The following DACH2 variants were observed in gnomAD, a reference collection of about 807,000 sequenced individuals.
The protein encoded by DACH2 is dachshund family transcription factor 2.
Under a neutral mutation model 35.8 loss-of-function variants are expected in DACH2, and 17 were observed. The ratio of observed to expected loss-of-function variants is 0.48; its 90% confidence interval spans 0.33 to 0.71. DACH2 has a LOEUF of 0.71. DACH2 is among the 30% of genes least tolerant of loss of function. DACH2 has a pLI of 0.02. For synonymous variants in DACH2, 195 were observed against 177.3 expected, an observed-to-expected ratio of 1.10 and a Z score of -0.79; for missense variants, 469 against 472.7, an observed-to-expected ratio of 0.99 and a Z score of 0.07.
chrX:86,546,404 C>CTTCTTCTTCTTCCTTCTT (rs774988785), intron 3 of DACH2, among the ~76,000 whole-genome samples: 152 of 21,637 alleles, frequency 7.0e-3, no homozygotes, highest in African/African-American at 0.017. Flanking sequence ...TCTTCTTCTT[C>CTTCTTCTTCTTCCTTCTT]CTTCTTCTTC....
At chrX:86,217,202 A>G (rs1163885122) in intron 1 of DACH2, among the ~76,000 whole-genome samples, 1 of 111,709 alleles carries the variant, frequency 9.0e-6, no homozygotes, top group African/African-American at 3.3e-5. Flanking sequence ...AATGCATAAT[A>G]AAAGAAGCAT....
chrX:86,456,210 CT>C (rs1301019808), intron 2 of DACH2, among the ~76,000 whole-genome samples: 1 of 112,271 alleles, frequency 8.9e-6, no homozygotes, highest in East Asian at 2.8e-4. Context: ...GTTGAAGATG[CT>C]GAATTCACTT....
chrX:86,332,520 A>G (rs981488463), intron 1 of DACH2, among the ~76,000 whole-genome samples: 16 of 111,927 alleles, frequency 1.4e-4, no homozygotes, highest in African/African-American at 4.2e-4. Context: ...ATTAATGATT[A>G]TAGTATTTCT....
chrX:86,534,825 T>A (rs2038774188), intron 3 of DACH2, among the ~76,000 whole-genome samples: 1 of 111,925 alleles, frequency 8.9e-6, no homozygotes. Flanking sequence ...TGCTGTTCAC[T>A]TCAATTTATG....
chrX:86,315,239 G>T (rs1340776519), intron 1 of DACH2, among the ~76,000 whole-genome samples: 1 of 111,918 alleles, frequency 8.9e-6, no homozygotes, highest in East Asian at 2.8e-4. Context: ...AAACTTGGAC[G>T]ACAGACTGCA....
chrX:86,240,437 G>GATTATTATTATT (rs3034441), intron 1 of DACH2, among the ~76,000 whole-genome samples: 15 of 95,124 alleles, frequency 1.6e-4, no homozygotes, highest in South Asian at 5.5e-4. Context: ...GGTTGTATCA[G>GATTATTATTATT]ATTATTATTA....
chrX:86,823,747 A>C (rs1481050375), intron 11 of DACH2, among the ~76,000 whole-genome samples: 1 of 111,641 alleles, frequency 9.0e-6, no homozygotes, highest in East Asian at 2.8e-4. Flanking sequence ...ACCGGGGGTG[A>C]CATCACATAT....
chrX:86,768,421 G>T (rs2041956270), intron 7 of DACH2, among the ~76,000 whole-genome samples: 1 of 111,028 alleles, frequency 9.0e-6, no homozygotes, highest in South Asian at 3.8e-4. Context: ...TTTCCCTGTA[G>T]GTTAGCATAT....
chrX:86,782,645 T>C (rs2147311194), intron 7 of DACH2, among the ~76,000 whole-genome samples: 1 of 111,831 alleles, frequency 8.9e-6, no homozygotes, highest in African/African-American at 3.2e-5. Flanking sequence ...ACCAACAGCA[T>C]ACACTGGGTA....
intron 2 of DACH2, among the ~76,000 whole-genome samples, chrX:86,471,103 T>G (rs1469243513): frequency 1.8e-5 from 2 of 111,888 alleles, no homozygotes; most frequent in Non-Finnish European, 3.8e-5. Context: ...AACCAGTATA[T>G]CAAAATATTT....
chrX:86,341,289 A>T (rs2035407975), intron 1 of DACH2, among the ~76,000 whole-genome samples: 1 of 111,579 alleles, frequency 9.0e-6, no homozygotes, highest in Admixed American at 9.6e-5. Context: ...ACCAATGCTC[A>T]TTTACCATTC....
At chrX:86,280,207 G>A (rs1021627741) in intron 1 of DACH2, among the ~76,000 whole-genome samples, 3 of 111,673 alleles carry the variant, frequency 2.7e-5, no homozygotes, top group Non-Finnish European at 5.6e-5. Flanking sequence ...CAGAGAGAAA[G>A]GTCAGGTTAC....
chrX:86,734,429 C>A (rs904265796), intron 6 of DACH2, among the ~76,000 whole-genome samples: 8 of 110,993 alleles, frequency 7.2e-5, no homozygotes, highest in Non-Finnish European at 1.3e-4. Flanking sequence ...CCTAGAGAAA[C>A]AAGGTAAGAG....
At chrX:86,442,819 C>G (rs944373808) in intron 2 of DACH2, among the ~76,000 whole-genome samples, 1 of 109,388 alleles carries the variant, frequency 9.1e-6, no homozygotes, top group Non-Finnish European at 1.9e-5. Context: ...GGTCATTTCT[C>G]CATCGTGTGT....
intron 1 of DACH2, among the ~76,000 whole-genome samples, chrX:86,165,909 G>T (rs1033442090): frequency 9.0e-6 from 1 of 111,375 alleles, no homozygotes; most frequent in African/African-American, 3.3e-5. Context: ...TCTTTGCCCA[G>T]ACCAATATCC....
intron 7 of DACH2, among the ~76,000 whole-genome samples, chrX:86,780,083 C>T (rs1170907478): frequency 9.1e-6 from 1 of 109,498 alleles, no homozygotes; most frequent in African/African-American, 3.3e-5. Flanking sequence ...GCCCTCACCC[C>T]CTGAAATCTT....
intron 1 of DACH2, among the ~76,000 whole-genome samples, chrX:86,253,525 G>A (rs2033443769): frequency 8.9e-6 from 1 of 112,003 alleles, no homozygotes; most frequent in African/African-American, 3.2e-5. Context: ...AACAAGACTA[G>A]TGAGATTCAG....
intron 1 of DACH2, among the ~76,000 whole-genome samples, chrX:86,180,956 C>A (rs1194675851): frequency 1.8e-5 from 2 of 110,584 alleles, no homozygotes; most frequent in African/African-American, 3.3e-5. Context: ...TTCCAAAGGG[C>A]CAAGTTAGCG....
intron 1 of DACH2, among the ~76,000 whole-genome samples, chrX:86,207,783 A>G (rs1357158053): frequency 9.0e-6 from 1 of 111,388 alleles, no homozygotes; most frequent in Non-Finnish European, 1.9e-5. Context: ...GACTTAAAAC[A>G]TTTATAATTG....
Sources: allele counts gnomAD v4.1 joint callset (sites outside exome capture counted in the v4.1 genomes callset), GRCh38; gene constraint gnomAD v4.1.1; transcripts MANE v1.5; gene names NCBI Gene and HGNC (gene_info 2026-07-23, HGNC 2026-07-21).